KDM5A: variants seen among roughly 807,000 people sequenced by gnomAD.
KDM5A encodes lysine demethylase 5A.
A neutral mutation model predicts 193.5 loss-of-function variants in KDM5A; 42 were observed. The ratio of observed to expected loss-of-function variants is 0.22; its 90% CI spans 0.17 to 0.28. The LOEUF (loss-of-function observed/expected upper bound fraction) is 0.28, where lower values mean the gene tolerates loss of function less well. Ranked by LOEUF, KDM5A falls within the 10% of genes least tolerant of loss-of-function variation. The pLI is 1.00. For missense variants in KDM5A, 1,692 were observed against 2,055.1 expected, an observed-to-expected ratio of 0.82 and a Z score of 3.42; for synonymous variants, 796 against 718.1, an observed-to-expected ratio of 1.11 and a Z score of -1.73.
At chr12:289,907 C>CTTTTTTTTTTTTT (rs750918968) in intron 27 of KDM5A, among the ~76,000 whole-genome samples, 4 of 99,638 alleles carry the variant, frequency 4.0e-5, no homozygotes, top group African/African-American at 1.3e-4. Context: ...TTCTTTCTTT[C>CTTTTTTTTTTTTT]TTTTTTTTTT....
At chr12:335,862 T>C (rs974181764) in intron 10 of KDM5A, among the ~76,000 whole-genome samples, 4 of 148,832 alleles carry the variant, frequency 2.7e-5, no homozygotes, top group Non-Finnish European at 3.0e-5. Context: ...GCCAACATAG[T>C]GAAACCCTGT....
At chr12:289,630 G>C (rs1943263632) in intron 27 of KDM5A, among the ~76,000 whole-genome samples, 1 of 150,646 alleles carries the variant, frequency 6.6e-6, no homozygotes, top group Admixed American at 6.6e-5. Flanking sequence ...CAGGAGGACT[G>C]CTGGAGCCCA....
Position 285,382 on chromosome 12 carries a change from A to G in KDM5A, c.*74T>C. On this transcript the variant is annotated 3_prime_UTR_variant, in exon 28 of 28. Transcript: ENST00000399788. Reference sequence around the variant, plus strand: ...TGGAAGCAACATTCCAAGTGGATATAAACCACTCTACTTGATGACTAAGGT... The same window carrying G: ...TGGAAGCAACATTCCAAGTGGATATGAACCACTCTACTTGATGACTAAGGT... 7.6e-7 allele frequency: 1 copy of G among 1,320,394 alleles called. No homozygotes were observed. Among genetic ancestry groups the G allele is most frequent in the African/African-American group, 1.4e-5 (1 of 69,208 alleles). The allele number at this position is 1,320,394 out of a possible 1,614,324, so 81.8% of individuals were successfully genotyped here. A position where few individuals can be genotyped will look rare whatever the true frequency, so the allele number is the denominator to read the frequency against.
At chr12:332,538 G>C (rs1943878588) in intron 12 of KDM5A, among the ~76,000 whole-genome samples, 1 of 152,162 alleles carries the variant, frequency 6.6e-6, no homozygotes, top group African/African-American at 2.4e-5. Flanking sequence ...TAGTAAACTT[G>C]TTAAATTTAT....
intron 19 of KDM5A, among the ~76,000 whole-genome samples, chr12:313,454 GT>G (rs1302419812): frequency 6.6e-6 from 1 of 151,994 alleles, no homozygotes; most frequent in Non-Finnish European, 1.5e-5. Flanking sequence ...TCAAAGAAAA[GT>G]TATTTTCCCC....
At chr12:388,156 C>G (rs1944668799) in intron 1 of KDM5A, 1 of 375,276 alleles carries the variant, frequency 2.7e-6, no homozygotes, top group Non-Finnish European at 5.3e-6. Context: ...AGAAAAACAC[C>G]TTTGACCTTG....
At chr12:381,311 T>C (rs1042020527) in intron 3 of KDM5A, among the ~76,000 whole-genome samples, 1 of 152,036 alleles carries the variant, frequency 6.6e-6, no homozygotes, top group African/African-American at 2.4e-5. Context: ...GTTTTCATCA[T>C]GTTGGCCAGG....
At chr12:297,904 T>C (rs1226971619) in intron 24 of KDM5A, among the ~76,000 whole-genome samples, 2 of 152,144 alleles carry the variant, frequency 1.3e-5, no homozygotes, top group Admixed American at 6.5e-5. Flanking sequence ...AGGAATATAA[T>C]GACTACAGAT....
intron 10 of KDM5A, among the ~76,000 whole-genome samples, chr12:348,912 TAAA>T (rs1251720632): frequency 1.0e-5 from 1 of 95,742 alleles, no homozygotes; most frequent in African/African-American, 4.1e-5. Flanking sequence ...TGTAATAAAA[TAAA>T]AAATTAAAAA....
At chr12:313,238 C>G in intron 19 of KDM5A, 44 bp from the exon 20 acceptor site, 1 of 1,603,384 alleles carries the variant, frequency 6.2e-7, no homozygotes, top group South Asian at 1.1e-5. Flanking sequence ...GAGAAATCAA[C>G]ATTTAAGTAA....
intron 10 of KDM5A, among the ~76,000 whole-genome samples, chr12:338,253 A>AC (rs1400820831): frequency 3.9e-5 from 6 of 152,216 alleles, no homozygotes; most frequent in Admixed American, 2.0e-4. Flanking sequence ...GACTATTTGT[A>AC]CAATGTGGTT....
In KDM5A at chr12:284,460, A is replaced by C. The variant is rs557335094; in HGVS notation, c.*996T>G. On this transcript the variant is annotated 3_prime_UTR_variant, in exon 28 of 28. Coordinates refer to ENST00000399788, the MANE Select transcript of KDM5A (RefSeq NM_001042603.3). ...CGTAGTTAGAAATCACCAGTGTTGG[A>C]AACAGCAGACATTGGGGTCAGGGCT... 4 of 232,594 alleles carry C rather than the reference A, an allele frequency of 1.7e-5. No individual in the cohort carries two copies. Among genetic ancestry groups the C allele is most frequent in the African/African-American group, 8.8e-5 (4 of 45,348 alleles). 14.4% of individuals were successfully genotyped at this position (232,594 alleles called of 1,614,324 possible).
At chr12:386,975 A>C in intron 1 of KDM5A, among the ~76,000 whole-genome samples, 1 of 152,208 alleles carries the variant, frequency 6.6e-6, no homozygotes, top group East Asian at 1.9e-4. Context: ...ACTTTTAAGA[A>C]CTTATTTATT....
Position 366,123 on chromosome 12 carries a change from T to C in KDM5A, c.367-19A>G, listed in dbSNP as rs567615792. 82 of 1,612,858 alleles carry C rather than the reference T, an allele frequency of 5.1e-5. No homozygotes were observed. The East Asian group carries it at 1.0e-3, about 20-fold the overall frequency. The stretch of plus-strand genomic sequence containing the variant: ...CAACAATCTGAAAAGAAAGTAAAAG[T>C]TGCTTAGAGAAAAAAGGCAAATTCA... On this transcript the variant is annotated intron_variant, in intron 3 of 27. Transcript: ENST00000399788.
chr12:322,292 G>T, intron 17 of KDM5A, 125 bp downstream of exon 17: 1 of 793,804 alleles, frequency 1.3e-6, no homozygotes, highest in Non-Finnish European at 2.1e-6. Flanking sequence ...CATTACTGGG[G>T]AAGCAAGAGA....
Position 330,085 on chromosome 12 carries a change from G to GTGTGTGTGTGTATATATA in KDM5A, c.1774-1057_1774-1056insTATATATACACACACACA, listed in dbSNP as rs377271333. ...TGTGTGTGTGTGTGTGTGTGTGTGT[G>GTGTGTGTGTGTATATATA]TATATATATATATCTTATGATTAGC... is the stretch of plus-strand genomic sequence containing the variant. On this transcript the variant is annotated intron_variant, in intron 13 of 27. Coordinates refer to ENST00000399788, the MANE Select transcript of KDM5A (RefSeq NM_001042603.3). 1.1e-3 allele frequency among the ~76,000 whole-genome samples: 151 copies of GTGTGTGTGTGTATATATA among 139,364 alleles called. 5 individuals are homozygous for GTGTGTGTGTGTATATATA. The East Asian group carries it at 0.023, about 21-fold the overall frequency. 91.4% of individuals were successfully genotyped at this position (139,364 alleles called of 152,430 possible).
chr12:296,192 TGC>T (rs1943370096), intron 25 of KDM5A, among the ~76,000 whole-genome samples: 1 of 151,802 alleles, frequency 6.6e-6, no homozygotes, highest in South Asian at 2.1e-4. Flanking sequence ...TGGTGGCGCA[TGC>T]CTATAAATCC....
At chr12:309,454 A>G (rs1943553334) in intron 22 of KDM5A, among the ~76,000 whole-genome samples, 1 of 152,220 alleles carries the variant, frequency 6.6e-6, no homozygotes, top group African/African-American at 2.4e-5. Context: ...AAGTGGGTTC[A>G]TTATACATTG....
chr12:384,171 C>T lies in KDM5A; in HGVS notation c.244-18G>A, dbSNP rs749327725. ...GTCATTGCCTAAGATTATTAAAATA[C>T]AGAAGAACTAAGTTATGATTGAAAT... On this transcript the variant is annotated intron_variant, in intron 2 of 27. Transcript: ENST00000399788. 3 of 1,559,436 alleles carry T rather than the reference C, an allele frequency of 1.9e-6. No individual in the cohort carries two copies. The highest frequency in any genetic ancestry group is 2.7e-6 in the Non-Finnish European group (3 of 1,130,834).
Sources: allele counts gnomAD v4.1 joint callset (sites outside exome capture counted in the v4.1 genomes callset), GRCh38; gene constraint gnomAD v4.1.1; transcripts MANE v1.5; gene names NCBI Gene and HGNC (gene_info 2026-07-23, HGNC 2026-07-21).